Variants in SCHIP1 observed in about 807,000 individuals in gnomAD.
SCHIP1 encodes the protein schwannomin-interacting protein 1.
Under a neutral mutation model 29.7 loss-of-function variants are expected in SCHIP1, and 8 were observed. The observed-to-expected ratio is 0.27, with a 90% confidence interval of 0.16 to 0.49. The LOEUF is 0.49. Among genes scored for constraint, SCHIP1 ranks in the 20% least tolerant of loss-of-function variants. The pLI, the probability that SCHIP1 is intolerant of heterozygous loss-of-function variation, is 0.99. For missense variants in SCHIP1, 193 were observed against 294.6 expected, an observed-to-expected ratio of 0.66 and a Z score of 2.52; for synonymous variants, 76 against 94.9, an observed-to-expected ratio of 0.80 and a Z score of 1.16.
At chr3:159,668,277 T>TGA in the SCHIP1 span, among the ~76,000 whole-genome samples, 1 of 149,736 alleles carries the variant, frequency 6.7e-6, no homozygotes, top group Non-Finnish European at 1.5e-5. Context: ...CTCGGGAGGC[T>TGA]GAGGCAGGAG....
the SCHIP1 span, among the ~76,000 whole-genome samples, chr3:159,637,731 G>A: frequency 6.6e-6 from 1 of 152,120 alleles, no homozygotes; most frequent in African/African-American, 2.4e-5. Flanking sequence ...AGTTATCATT[G>A]CATTATATTC....
At chr3:159,776,330 GTCTTTTTTTT>G in the SCHIP1 span, among the ~76,000 whole-genome samples, 1 of 72,452 alleles carries the variant, frequency 1.4e-5, no homozygotes, top group Non-Finnish European at 2.5e-5. Context: ...TAAGTGTTCT[GTCTTTTTTTT>G]TTTTTTTTTT....
At chr3:159,369,011 T>G in the SCHIP1 span, among the ~76,000 whole-genome samples, 1 of 152,194 alleles carries the variant, frequency 6.6e-6, no homozygotes, top group African/African-American at 2.4e-5. Flanking sequence ...CCGGTGCTTT[T>G]GGACAAGCAA....
the SCHIP1 span, among the ~76,000 whole-genome samples, chr3:159,513,298 C>T: frequency 4.2e-4 from 64 of 152,272 alleles, no homozygotes; most frequent in African/African-American, 1.5e-3. Flanking sequence ...CTGTGGTACA[C>T]AGATGTTTGT....
At chr3:159,763,068 G>A in the SCHIP1 span, among the ~76,000 whole-genome samples, 1 of 152,146 alleles carries the variant, frequency 6.6e-6, no homozygotes. Flanking sequence ...ACACCTCGCT[G>A]AGGTCATCCT....
the SCHIP1 span, among the ~76,000 whole-genome samples, chr3:159,644,108 C>T: frequency 6.6e-6 from 1 of 152,070 alleles, no homozygotes; most frequent in East Asian, 1.9e-4. Context: ...GAAACTGCAA[C>T]CTGCCCACCC....
At chr3:159,579,941 G>A in the SCHIP1 span, among the ~76,000 whole-genome samples, 6 of 152,176 alleles carry the variant, frequency 3.9e-5, no homozygotes, top group African/African-American at 1.4e-4. Context: ...AATTATTGCA[G>A]TTTTCTCACC....
intron 6 of SCHIP1, chr3:159,894,320 A>G (rs1053209588): frequency 1.2e-4 from 19 of 152,334 alleles, no homozygotes; most frequent in African/African-American, 4.3e-4. Context: ...CCTTATATGG[A>G]CTGTCAGTGC....
the SCHIP1 span, among the ~76,000 whole-genome samples, chr3:159,743,706 G>A: frequency 2.6e-5 from 4 of 152,232 alleles, no homozygotes; most frequent in East Asian, 3.9e-4. Context: ...GACCATGAAC[G>A]GCAACATAAT....
chr3:159,848,981 A>C (rs562507983), intron 1 of SCHIP1, among the ~76,000 whole-genome samples: 1 of 152,206 alleles, frequency 6.6e-6, no homozygotes, highest in South Asian at 2.1e-4. Context: ...AACTGCCCTC[A>C]ACTGCTTGCA....
chr3:159,514,573 T>A, the SCHIP1 span, among the ~76,000 whole-genome samples: 3 of 152,366 alleles, frequency 2.0e-5, no homozygotes, highest in South Asian at 6.2e-4. Context: ...TGTGGCTCAC[T>A]TTTCTTATTT....
At chr3:159,866,372 G>T in intron 2 of SCHIP1, 91 bp downstream of exon 3, 2 of 1,308,056 alleles carry the variant, frequency 1.5e-6, no homozygotes, top group Non-Finnish European at 2.1e-6. Context: ...TAAATCTTCT[G>T]TAGTTTTTTT....
chr3:159,874,080 C>A (rs1715535813), intron 2 of SCHIP1, among the ~76,000 whole-genome samples: 1 of 152,170 alleles, frequency 6.6e-6, no homozygotes, highest in South Asian at 2.1e-4. Flanking sequence ...AACATTACAA[C>A]CTGACCTAAC....
chr3:159,395,220 A>G, the SCHIP1 span, among the ~76,000 whole-genome samples: 2 of 149,506 alleles, frequency 1.3e-5, no homozygotes, highest in African/African-American at 4.9e-5. Context: ...TTTTTTCTTT[A>G]TTAGTCTTGC....
chr3:159,887,392 G>C (rs1195419965), intron 3 of SCHIP1: 4 of 290,426 alleles, frequency 1.4e-5, no homozygotes, highest in Non-Finnish European at 2.6e-5. Flanking sequence ...TAGGGCCTTG[G>C]CTTCGAGTCA....
At chr3:159,815,836 G>A in the SCHIP1 span, among the ~76,000 whole-genome samples, 4 of 151,950 alleles carry the variant, frequency 2.6e-5, no homozygotes, top group Non-Finnish European at 5.9e-5. Flanking sequence ...CCTTCCAAAT[G>A]TGTCTCAAAT....
the SCHIP1 span, among the ~76,000 whole-genome samples, chr3:159,466,069 AAC>A: frequency 7.6e-4 from 115 of 152,294 alleles, no homozygotes; most frequent in African/African-American, 2.4e-3. Flanking sequence ...TTCAAAGGAG[AAC>A]TATATCATAG....
chr3:159,847,068 C>T (rs1033483303), intron 1 of SCHIP1, among the ~76,000 whole-genome samples: 3 of 152,078 alleles, frequency 2.0e-5, no homozygotes, highest in Non-Finnish European at 2.9e-5. Flanking sequence ...CTTCATGATT[C>T]AGACTTCGAG....
chr3:159,302,997 A>G, the SCHIP1 span, among the ~76,000 whole-genome samples: 6 of 152,226 alleles, frequency 3.9e-5, no homozygotes, highest in African/African-American at 4.8e-5. Flanking sequence ...TATATGAGGT[A>G]AGTATTATAC....
Sources: allele counts gnomAD v4.1 joint callset (sites outside exome capture counted in the v4.1 genomes callset), GRCh38; gene constraint gnomAD v4.1.1; transcripts MANE v1.5; gene names NCBI Gene and HGNC (gene_info 2026-07-23, HGNC 2026-07-21).